Variants in PTPRD observed in about 807,000 individuals in gnomAD.
The protein encoded by PTPRD is receptor-type tyrosine-protein phosphatase delta.
PTPRD carries 34 observed loss-of-function variants against 214.5 expected under a neutral mutation model. That is an observed-to-expected ratio of 0.16 (90% CI 0.12 to 0.21). PTPRD has a LOEUF of 0.21. Among genes scored for constraint, PTPRD ranks in the 10% least tolerant of loss-of-function variants. The probability of loss-of-function intolerance (pLI) is 1.00; values close to 1 mark genes in which losing one functional copy is unlikely to be tolerated. For synonymous variants in PTPRD, 1,128 were observed against 845.7 expected (o/e 1.33, Z -5.79); for missense variants, 2,545 against 2,398.7 (o/e 1.06, Z -1.27).
chr9:10,353,529 G>A (rs944855505), intron 2 of PTPRD, among the ~76,000 whole-genome samples: 6 of 151,988 alleles, frequency 3.9e-5, no homozygotes, highest in African/African-American at 7.2e-5. Context: ...ACCTCTGCAT[G>A]GGAGAAGAGA....
intron 4 of PTPRD, among the ~76,000 whole-genome samples, chr9:9,960,063 T>C (rs1192949509): frequency 6.6e-6 from 1 of 151,902 alleles, no homozygotes; most frequent in Non-Finnish European, 1.5e-5. Flanking sequence ...CATTCTCTAA[T>C]AAAAAGAAAT....
At chr9:8,434,110 G>A (rs532285561) in intron 35 of PTPRD, among the ~76,000 whole-genome samples, 1 of 152,238 alleles carries the variant, frequency 6.6e-6, no homozygotes, top group East Asian at 1.9e-4. Context: ...AGCCTCCCAA[G>A]TGGCTGGGAT....
intron 2 of PTPRD, among the ~76,000 whole-genome samples, chr9:10,403,089 A>G (rs1340775365): frequency 6.6e-6 from 1 of 151,172 alleles, no homozygotes; most frequent in East Asian, 2.0e-4. Flanking sequence ...GTATTGCCAT[A>G]GATTAGGTAT....
chr9:9,908,510 T>C (rs1400128422), intron 5 of PTPRD, among the ~76,000 whole-genome samples: 1 of 152,034 alleles, frequency 6.6e-6, no homozygotes, highest in Non-Finnish European at 1.5e-5. Flanking sequence ...CTGCTGGGAG[T>C]ATGTGCCATC....
chr9:8,349,838 C>T (rs1455264314), intron 39 of PTPRD, among the ~76,000 whole-genome samples: 1 of 151,876 alleles, frequency 6.6e-6, no homozygotes, highest in Non-Finnish European at 1.5e-5. Context: ...TTTTATTTTC[C>T]GGTGAGGACA....
intron 5 of PTPRD, among the ~76,000 whole-genome samples, chr9:9,797,738 CG>C (rs368330953): frequency 2.7e-5 from 4 of 150,800 alleles, no homozygotes; most frequent in African/African-American, 7.3e-5. Context: ...CCCAGCTACT[CG>C]GGGGGGGCTG....
At chr9:9,156,058 TG>T (rs965931077) in intron 10 of PTPRD, among the ~76,000 whole-genome samples, 6 of 152,170 alleles carry the variant, frequency 3.9e-5, no homozygotes, top group African/African-American at 1.4e-4. Flanking sequence ...CTTAGACCTC[TG>T]TTTCAGAGCA....
At chr9:10,552,442 A>G (rs117285694) in intron 2 of PTPRD, among the ~76,000 whole-genome samples, 449 of 152,114 alleles carry the variant, frequency 3.0e-3, no homozygotes, top group Non-Finnish European at 5.3e-3. Flanking sequence ...ACCCAAACTT[A>G]TTATTTCACA....
intron 14 of PTPRD, among the ~76,000 whole-genome samples, chr9:8,604,500 C>T (rs1277492413): frequency 6.6e-6 from 1 of 152,076 alleles, no homozygotes; most frequent in African/African-American, 2.4e-5. Context: ...AGGGTAAGTC[C>T]AAGATGAGGC....
At chr9:9,546,462 C>T (rs1003731186) in intron 8 of PTPRD, among the ~76,000 whole-genome samples, 3 of 151,500 alleles carry the variant, frequency 2.0e-5, no homozygotes, top group Non-Finnish European at 3.0e-5. Context: ...CTAATTAATG[C>T]CATTATTTGC....
At chr9:8,779,452 G>A (rs1257442761) in intron 11 of PTPRD, among the ~76,000 whole-genome samples, 7 of 152,052 alleles carry the variant, frequency 4.6e-5, no homozygotes, top group African/African-American at 1.7e-4. Flanking sequence ...CTAATGTGTC[G>A]TCCCGGGGTT....
chr9:8,763,434 T>C (rs1024031439), intron 11 of PTPRD, among the ~76,000 whole-genome samples: 1 of 151,976 alleles, frequency 6.6e-6, no homozygotes, highest in South Asian at 2.1e-4. Context: ...GAACCACTTA[T>C]ATCCAGGAGG....
chr9:8,614,691 G>C (rs761747789), intron 14 of PTPRD, among the ~76,000 whole-genome samples: 1 of 152,072 alleles, frequency 6.6e-6, no homozygotes, highest in Non-Finnish European at 1.5e-5. Flanking sequence ...TTGGGATCTT[G>C]GACCTTTAGA....
At chr9:9,131,323 C>T (rs1423457805) in intron 10 of PTPRD, among the ~76,000 whole-genome samples, 1 of 152,190 alleles carries the variant, frequency 6.6e-6, no homozygotes, top group East Asian at 1.9e-4. Context: ...TTGAAGAATG[C>T]ATGTCCAGTA....
At chr9:9,009,148 AT>A (rs71317393) in intron 11 of PTPRD, among the ~76,000 whole-genome samples, 94,176 of 151,702 alleles carry the variant, frequency 0.62, 31,285 homozygotes, top group Middle Eastern at 0.78. Flanking sequence ...TTTATTTAGG[AT>A]TTTTTTTTCC....
At chr9:8,445,727 T>C (rs556189482) in intron 34 of PTPRD, among the ~76,000 whole-genome samples, 6 of 152,310 alleles carry the variant, frequency 3.9e-5, no homozygotes, top group African/African-American at 1.4e-4. Flanking sequence ...ATATTGTCTC[T>C]GATGCAGCAA....
chr9:9,241,645 T>C (rs951080380), intron 9 of PTPRD, among the ~76,000 whole-genome samples: 2 of 152,046 alleles, frequency 1.3e-5, no homozygotes, highest in African/African-American at 2.4e-5. Context: ...AAGCCTGTTT[T>C]ATCAGAGACT....
At chr9:10,375,460 T>C (rs970115013) in intron 2 of PTPRD, among the ~76,000 whole-genome samples, 1 of 152,142 alleles carries the variant, frequency 6.6e-6, no homozygotes, top group Non-Finnish European at 1.5e-5. Context: ...TTTCAGCCTC[T>C]TTATAGCAAG....
At chr9:10,550,152 A>T (rs763711576) in intron 2 of PTPRD, among the ~76,000 whole-genome samples, 18 of 152,224 alleles carry the variant, frequency 1.2e-4, no homozygotes, top group Non-Finnish European at 2.2e-4. Flanking sequence ...ACAATAACCC[A>T]TTGCTAATCA....
Sources: allele counts gnomAD v4.1 joint callset (sites outside exome capture counted in the v4.1 genomes callset), GRCh38; gene constraint gnomAD v4.1.1; transcripts MANE v1.5; gene names NCBI Gene and HGNC (gene_info 2026-07-23, HGNC 2026-07-21).